Variants in ZMIZ1 observed in about 807,000 individuals in gnomAD.
The protein encoded by ZMIZ1 is zinc finger MIZ domain-containing protein 1.
Under a neutral mutation model 113.9 loss-of-function variants are expected in ZMIZ1, and 17 were observed. The observed-to-expected ratio is 0.15, with a 90% CI of 0.10 to 0.22. The LOEUF (loss-of-function observed/expected upper bound fraction) is 0.22, where lower values mean the gene tolerates loss of function less well. Ranked by LOEUF, ZMIZ1 falls within the 10% of genes least tolerant of loss-of-function variation. The pLI, the probability that ZMIZ1 is intolerant of heterozygous loss-of-function variation, is 1.00. For missense variants in ZMIZ1, 1,059 were observed against 1,477.8 expected, an observed-to-expected ratio of 0.72 and a Z score of 4.65; for synonymous variants, 607 against 603.1, an observed-to-expected ratio of 1.01 and a Z score of -0.09.
At chr10:79,297,777 G>A (rs1159728148) in intron 14 of ZMIZ1, 87 bp downstream of exon 14, 1 of 1,213,430 alleles carries the variant, frequency 8.2e-7, no homozygotes, top group African/African-American at 1.5e-5. Context: ...AGCCTCTCTG[G>A]ACATTCAAAG....
chr10:79,306,418 T>C, intron 22 of ZMIZ1, 74 bp downstream of exon 22: 1 of 1,567,384 alleles, frequency 6.4e-7, no homozygotes, highest in Non-Finnish European at 8.6e-7. Context: ...AGAATTTCTG[T>C]GCTGATGGTG....
chr10:79,095,035 C>A (rs1268557639), intron 1 of ZMIZ1, among the ~76,000 whole-genome samples: 1 of 152,038 alleles, frequency 6.6e-6, no homozygotes, highest in East Asian at 1.9e-4. Context: ...GCCCTTGGAC[C>A]AGAGAGGGCT....
chr10:79,258,597 T>C (rs1316447646), intron 7 of ZMIZ1, among the ~76,000 whole-genome samples: 1 of 152,236 alleles, frequency 6.6e-6, no homozygotes, highest in East Asian at 1.9e-4. Flanking sequence ...AAGTTGAGGA[T>C]GGTTGGTGAT....
rs755161193 is a variant in ZMIZ1, at chr10:79,311,059, C to G, written c.2971C>G (p.Arg991Gly). 1.2e-6 allele frequency: 2 copies of G among 1,613,488 alleles called. No homozygotes were observed. The highest frequency in any genetic ancestry group is 1.7e-6 in the Non-Finnish European group (2 of 1,180,032). The change falls in exon 24 of 25, where the codon CGG (arginine) becomes GGG (glycine). Residue 991 changes from arginine (R) to glycine (G), a missense_variant. Transcript: ENST00000334512. The part of the protein sequence containing the change: ...APPPPPSQPP[R>G]QPPQAAPSSH... ...TCCTCCTCCTCCTTCCCAGCCTCCCCGGCAGCCGCCACAGGCCGCTCCCAG... is the reference window on the plus strand; with the variant it reads ...TCCTCCTCCTCCTTCCCAGCCTCCCGGGCAGCCGCCACAGGCCGCTCCCAG...
At chr10:79,114,127 G>A (rs990542405) in intron 1 of ZMIZ1, among the ~76,000 whole-genome samples, 3 of 152,200 alleles carry the variant, frequency 2.0e-5, no homozygotes, top group East Asian at 1.9e-4. Context: ...TCTATCCAGC[G>A]GCAGACTTCC....
chr10:79,254,851 A>T (rs1589498546), intron 7 of ZMIZ1, among the ~76,000 whole-genome samples: 1 of 152,270 alleles, frequency 6.6e-6, no homozygotes, highest in East Asian at 1.9e-4. Flanking sequence ...GATACCTTTC[A>T]CCGCAGTCGT....
At chr10:79,115,396 C>T (rs190624975) in intron 1 of ZMIZ1, among the ~76,000 whole-genome samples, 1 of 152,314 alleles carries the variant, frequency 6.6e-6, no homozygotes, top group Non-Finnish European at 1.5e-5. Flanking sequence ...GGAGCTTCCT[C>T]TCTTAGCAAA....
At chr10:79,197,921 C>T (rs1273474531) in intron 4 of ZMIZ1, among the ~76,000 whole-genome samples, 1 of 152,136 alleles carries the variant, frequency 6.6e-6, no homozygotes, top group African/African-American at 2.4e-5. Flanking sequence ...TTAATCTCCG[C>T]ACGCCCAACC....
At chr10:79,239,014 A>G (rs1340460097) in intron 7 of ZMIZ1, among the ~76,000 whole-genome samples, 1 of 152,196 alleles carries the variant, frequency 6.6e-6, no homozygotes, top group African/African-American at 2.4e-5. Context: ...TGCATTGGCC[A>G]GGAGCTCAAC....
At chr10:79,282,226 A>T (rs1852783105) in intron 8 of ZMIZ1, among the ~76,000 whole-genome samples, 1 of 152,268 alleles carries the variant, frequency 6.6e-6, no homozygotes, top group Non-Finnish European at 1.5e-5. Flanking sequence ...TTTCACAATT[A>T]GCAAACTGTT....
chr10:79,185,034 G>C (rs953228767), intron 4 of ZMIZ1, among the ~76,000 whole-genome samples: 1 of 152,198 alleles, frequency 6.6e-6, no homozygotes, highest in East Asian at 1.9e-4. Flanking sequence ...TATTTTTGCA[G>C]AGCCAACATT....
intron 2 of ZMIZ1, among the ~76,000 whole-genome samples, chr10:79,137,846 G>A (rs1016709270): frequency 2.0e-5 from 3 of 152,106 alleles, no homozygotes; most frequent in African/African-American, 4.8e-5. Flanking sequence ...GTGCTCCTAG[G>A]GTGGGCGCTG....
chr10:79,235,179 G>A (rs914499433), intron 7 of ZMIZ1, among the ~76,000 whole-genome samples: 2 of 152,220 alleles, frequency 1.3e-5, no homozygotes, highest in African/African-American at 4.8e-5. Context: ...GGGGACACCT[G>A]GGACCACACT....
At chr10:79,217,132 A>T (rs1364700086) in intron 7 of ZMIZ1, among the ~76,000 whole-genome samples, 2 of 152,200 alleles carry the variant, frequency 1.3e-5, no homozygotes, top group Non-Finnish European at 2.9e-5. Context: ...CTAGAAATAC[A>T]TAAAGTGCAG....
intron 4 of ZMIZ1, among the ~76,000 whole-genome samples, chr10:79,177,720 A>G (rs1427470267): frequency 1.3e-5 from 2 of 152,230 alleles, no homozygotes; most frequent in Admixed American, 1.3e-4. Context: ...GGAGAATCTC[A>G]CACATTTAGT....
chr10:79,266,288 G>T (rs1851598217), intron 7 of ZMIZ1, among the ~76,000 whole-genome samples: 1 of 152,232 alleles, frequency 6.6e-6, no homozygotes. Context: ...CAGACATGAT[G>T]TCACAGAATT....
At chr10:79,243,547 C>T (rs1245662193) in intron 7 of ZMIZ1, 2 of 146,414 alleles carry the variant, frequency 1.4e-5, no homozygotes, top group Admixed American at 1.4e-4. Context: ...GGGCGCCGGA[C>T]CCGCCCGGGC....
intron 19 of ZMIZ1, among the ~76,000 whole-genome samples, chr10:79,304,919 C>G (rs1854576906): frequency 6.6e-6 from 1 of 152,126 alleles, no homozygotes; most frequent in Non-Finnish European, 1.5e-5. Flanking sequence ...GAAGGCTTCT[C>G]AGAGGATGTA....
intron 1 of ZMIZ1, among the ~76,000 whole-genome samples, chr10:79,115,080 T>C (rs1843964040): frequency 6.6e-6 from 1 of 152,356 alleles, no homozygotes; most frequent in East Asian, 1.9e-4. Context: ...GCAGAGGAGT[T>C]TGGGAACTAT....
Sources: allele counts gnomAD v4.1 joint callset (sites outside exome capture counted in the v4.1 genomes callset), GRCh38; gene constraint gnomAD v4.1.1; transcripts MANE v1.5; gene names NCBI Gene and HGNC (gene_info 2026-07-23, HGNC 2026-07-21).